Variants in SIRPG observed in about 807,000 individuals in gnomAD.
SIRPG encodes the protein signal regulatory protein gamma.
SIRPG carries 38 observed loss-of-function variants against 35.7 expected under a neutral mutation model. The ratio of observed to expected loss-of-function variants is 1.06; its 90% CI spans 0.82 to 1.40. The LOEUF is 1.40. Among genes scored for constraint, SIRPG ranks in the 40% most tolerant of loss-of-function variants. The pLI is 0.00. For missense variants in SIRPG, 519 were observed against 483.0 expected, an observed-to-expected ratio of 1.07 and a Z score of -0.70; for synonymous variants, 215 against 190.4, an observed-to-expected ratio of 1.13 and a Z score of -1.06.
chr20:1,634,667 A>G (rs1264067632), intron 4 of SIRPG, among the ~76,000 whole-genome samples: 2 of 152,156 alleles, frequency 1.3e-5, no homozygotes. Flanking sequence ...AGAAACGGGC[A>G]CAACAACTCT....
chr20:1,672,760 T>C, the SIRPG span, among the ~76,000 whole-genome samples: 1 of 152,062 alleles, frequency 6.6e-6, no homozygotes, highest in African/African-American at 2.4e-5. Flanking sequence ...GTTGTTGTTG[T>C]TGTTAGCAGG....
intron 4 of SIRPG, 55 bp downstream of exon 4, chr20:1,635,212 A>G: frequency 7.2e-7 from 1 of 1,397,432 alleles, no homozygotes; most frequent in Non-Finnish European, 9.8e-7. Flanking sequence ...AAGTGTGGAT[A>G]TTACTTTTAA....
At chr20:1,670,462 G>A in the SIRPG span, among the ~76,000 whole-genome samples, 1 of 152,194 alleles carries the variant, frequency 6.6e-6, no homozygotes, top group African/African-American at 2.4e-5. Flanking sequence ...GCTCCTACTA[G>A]GCTAAGAATG....
intron 1 of SIRPG, 49 bp from the exon 2 acceptor site, chr20:1,649,457 T>C: frequency 6.7e-7 from 1 of 1,490,960 alleles, no homozygotes. Context: ...CATAATCCTG[T>C]ATTTCCTCAT....
At chr20:1,685,561 T>C in the SIRPG span, among the ~76,000 whole-genome samples, 1 of 152,048 alleles carries the variant, frequency 6.6e-6, no homozygotes, top group African/African-American at 2.4e-5. Context: ...CCTCCAAAAG[T>C]GCAAGGAAGT....
intron 4 of SIRPG, among the ~76,000 whole-genome samples, chr20:1,632,373 G>C (rs774749381): frequency 6.6e-6 from 1 of 152,058 alleles, no homozygotes; most frequent in East Asian, 1.9e-4. Context: ...TCTCTTACCC[G>C]GCTCCCACGC....
At chr20:1,632,281 T>G (rs2091757099) in intron 4 of SIRPG, among the ~76,000 whole-genome samples, 1 of 152,206 alleles carries the variant, frequency 6.6e-6, no homozygotes, top group Admixed American at 6.5e-5. Context: ...ACCCTGGCTC[T>G]CAGTATTACT....
chr20:1,672,259 C>A, the SIRPG span, among the ~76,000 whole-genome samples: 687 of 152,254 alleles, frequency 4.5e-3, 4 homozygotes, highest in African/African-American at 0.015. Context: ...ACAGTTCTAT[C>A]TTTAACCCAA....
intron 2 of SIRPG, among the ~76,000 whole-genome samples, chr20:1,644,776 C>T (rs548299023): frequency 7.9e-5 from 12 of 152,308 alleles, no homozygotes; most frequent in African/African-American, 2.2e-4. Context: ...GCTCACTCAC[C>T]GCCTCCCTTG....
intron 2 of SIRPG, among the ~76,000 whole-genome samples, chr20:1,645,141 C>T (rs117990812): frequency 3.9e-5 from 6 of 152,098 alleles, no homozygotes; most frequent in East Asian, 1.9e-4. Context: ...GGGCTTTATC[C>T]GGAAACTCTA....
the SIRPG span, among the ~76,000 whole-genome samples, chr20:1,683,134 G>C: frequency 6.6e-6 from 1 of 152,186 alleles, no homozygotes; most frequent in Non-Finnish European, 1.5e-5. Flanking sequence ...ATGGCCAGCA[G>C]GCATATAAAA....
Position 1,650,000 on chromosome 20 carries a change from G to GTATATATA in SIRPG, c.74-593_74-592insTATATATA, listed in dbSNP as rs1491226682. On this transcript the variant is annotated intron_variant, in intron 1 of 5. Coordinates refer to ENST00000303415, the MANE Select transcript of SIRPG (RefSeq NM_018556.4). ...TAGAACTCCTGAACTCTACTTTGAA[G>GTATATATA]TGTGTATATATATATATATATATAT... Among the ~76,000 whole-genome samples, 208 of 85,358 alleles carry GTATATATA rather than the reference G, an allele frequency of 2.4e-3. 6 individuals are homozygous for GTATATATA. The highest frequency in any genetic ancestry group is 9.8e-3 in the African/African-American group (204 of 20,832). The allele number at this position is 85,358 out of a possible 152,430, so 56.0% of individuals were successfully genotyped here.
chr20:1,629,885 A>G (rs2091734866), intron 5 of SIRPG, among the ~76,000 whole-genome samples: 1 of 152,132 alleles, frequency 6.6e-6, no homozygotes, highest in South Asian at 2.1e-4. Flanking sequence ...GTTTCTCAAC[A>G]TTAGTTTACA....
At chr20:1,655,118 C>T (rs1405761748) in intron 1 of SIRPG, among the ~76,000 whole-genome samples, 1 of 152,148 alleles carries the variant, frequency 6.6e-6, no homozygotes, top group Non-Finnish European at 1.5e-5. Context: ...AAACAGTATG[C>T]AGGTTCCTCA....
the SIRPG span, among the ~76,000 whole-genome samples, chr20:1,685,695 T>C: frequency 1.3e-5 from 2 of 151,982 alleles, no homozygotes; most frequent in African/African-American, 4.8e-5. Flanking sequence ...AAAAAATGGG[T>C]GGTAACACTG....
chr20:1,659,827 G>A (rs2091991542), upstream of SIRPG, among the ~76,000 whole-genome samples: 1 of 152,224 alleles, frequency 6.6e-6, no homozygotes, highest in South Asian at 2.1e-4. Context: ...CCCTCATAGT[G>A]AGGCTGGGGC....
At chr20:1,647,970 G>A (rs2091909873) in intron 2 of SIRPG, 1 of 152,188 alleles carries the variant, frequency 6.6e-6, no homozygotes, top group Admixed American at 6.5e-5. Flanking sequence ...GGGAAGGAAG[G>A]AGCCTGCCTC....
chr20:1,650,620 G>A (rs1204047881), intron 1 of SIRPG, among the ~76,000 whole-genome samples: 2 of 152,018 alleles, frequency 1.3e-5, no homozygotes, highest in Non-Finnish European at 2.9e-5. Context: ...ACTATCAAGT[G>A]GATTGAAATA....
intron 1 of SIRPG, among the ~76,000 whole-genome samples, chr20:1,654,948 C>A (rs2091966281): frequency 2.6e-5 from 4 of 152,170 alleles, no homozygotes. Flanking sequence ...CCTTACTATT[C>A]ATGAGATAAA....
Sources: allele counts gnomAD v4.1 joint callset (sites outside exome capture counted in the v4.1 genomes callset), GRCh38; gene constraint gnomAD v4.1.1; transcripts MANE v1.5; gene names NCBI Gene and HGNC (gene_info 2026-07-23, HGNC 2026-07-21).